The following ADCY2 variants were observed in gnomAD, a reference collection of about 807,000 sequenced individuals.
ADCY2 encodes the protein adenylate cyclase 2, also known as adenylate cyclase type 2.
ADCY2 carries 31 observed loss-of-function variants against 125.2 expected under a neutral mutation model. The observed-to-expected ratio is 0.25, with a 90% CI of 0.19 to 0.33. The LOEUF is 0.33. Among genes scored for constraint, ADCY2 ranks in the 10% least tolerant of loss-of-function variants. ADCY2 has a pLI of 1.00. For missense variants in ADCY2, 904 were observed against 1,418.2 expected, an observed-to-expected ratio of 0.64 and a Z score of 5.82; for synonymous variants, 512 against 548.4, an observed-to-expected ratio of 0.93 and a Z score of 0.93.
chr5:7,596,723 C>A (rs1737017771), intron 3 of ADCY2, among the ~76,000 whole-genome samples: 1 of 152,202 alleles, frequency 6.6e-6, no homozygotes, highest in South Asian at 2.1e-4. Context: ...GCTGCATCTA[C>A]CCCACCTGTG....
intron 15 of ADCY2, among the ~76,000 whole-genome samples, chr5:7,754,122 T>A (rs1476039378): frequency 6.6e-6 from 1 of 152,182 alleles, no homozygotes; most frequent in African/African-American, 2.4e-5. Flanking sequence ...TGCTGCCGAT[T>A]CGTCATTTTG....
chr5:7,757,369 G>A (rs2126458062), intron 15 of ADCY2, 80 bp from the exon 16 acceptor site: 1 of 1,539,976 alleles, frequency 6.5e-7, no homozygotes, highest in Non-Finnish European at 8.8e-7. Flanking sequence ...GCTTCTTGTG[G>A]TTGTAAACAT....
intron 4 of ADCY2, among the ~76,000 whole-genome samples, chr5:7,679,636 A>C (rs945553305): frequency 2.6e-5 from 4 of 152,210 alleles, no homozygotes; most frequent in Non-Finnish European, 5.9e-5. Flanking sequence ...GTGGACTGGT[A>C]AGAAGGAAAG....
chr5:7,779,988 C>T (rs1399296575), intron 18 of ADCY2, among the ~76,000 whole-genome samples: 4 of 152,272 alleles, frequency 2.6e-5, no homozygotes, highest in Admixed American at 6.5e-5. Flanking sequence ...CAGCCAGCCA[C>T]GGGCCAGGAG....
At position 7,709,451 on chromosome 5, in the gene ADCY2, G is replaced by C; in HGVS notation, c.1578+64G>C. ...GAAAGCTAACTTCCCAAAACCAAAG[G>C]CTGGGCATCTCCTGCCAAAATAACT... On this transcript the variant is annotated intron_variant, in intron 10 of 24. Transcript: ENST00000338316. This position sits in a 1 kb window ranked among gnomAD's most constrained non-coding sequence, Gnocchi z 4.4. The C allele has an allele frequency of 6.8e-7, 1 of 1,470,342 alleles. No homozygotes were observed. Among genetic ancestry groups the C allele is most frequent in the Non-Finnish European group, 9.0e-7 (1 of 1,110,040 alleles). The allele number at this position is 1,470,342 out of a possible 1,614,324, so 91.1% of individuals were successfully genotyped here.
At chr5:7,824,955 G>A (rs1453213686) in intron 24 of ADCY2, among the ~76,000 whole-genome samples, 1 of 152,162 alleles carries the variant, frequency 6.6e-6, no homozygotes, top group Non-Finnish European at 1.5e-5. Context: ...CTGTTGACAC[G>A]GCCCCCACCT....
intron 20 of ADCY2, chr5:7,800,279 C>CTA (rs1422583191): frequency 1.3e-5 from 2 of 152,194 alleles, no homozygotes; most frequent in Non-Finnish European, 2.9e-5. Context: ...TAAGTGCTGG[C>CTA]TATTATTGTG....
chr5:7,633,285 G>T (rs1738385540), intron 4 of ADCY2, among the ~76,000 whole-genome samples: 1 of 151,818 alleles, frequency 6.6e-6, no homozygotes, highest in Non-Finnish European at 1.5e-5. Flanking sequence ...ACAAAAATTA[G>T]CTGGGTGTGG....
At chr5:7,425,150 G>A (rs759738178) in intron 2 of ADCY2, among the ~76,000 whole-genome samples, 43 of 152,162 alleles carry the variant, frequency 2.8e-4, no homozygotes, top group Admixed American at 5.2e-4. Flanking sequence ...GAGCCTCCTA[G>A]GGAAGGCAAC....
intron 22 of ADCY2, among the ~76,000 whole-genome samples, chr5:7,813,982 C>A (rs1428981375): frequency 6.6e-6 from 1 of 151,306 alleles, no homozygotes; most frequent in Non-Finnish European, 1.5e-5. Flanking sequence ...CAACTGACTG[C>A]ACAAGCCTCC....
rs1232852394 is a variant in ADCY2, at chr5:7,706,921, T to C, written c.1268+19T>C. 2 of 1,613,344 alleles carry C rather than the reference T, an allele frequency of 1.2e-6. No individual in the cohort carries two copies. The highest frequency in any genetic ancestry group is 3.3e-5 in the Admixed American group (2 of 59,954). On this transcript the variant is annotated intron_variant, in intron 8 of 24. Transcript: ENST00000338316. ...TCCCTGGGTAAGGCCAAGCATTGGATTTCTTTCTTCAAGCAGGCAGAACTA... is the reference window on the plus strand; with the variant it reads ...TCCCTGGGTAAGGCCAAGCATTGGACTTCTTTCTTCAAGCAGGCAGAACTA...
At chr5:7,501,646 T>TCCCCCACCCCCCAC (rs1743585370) in intron 2 of ADCY2, among the ~76,000 whole-genome samples, 1 of 40,526 alleles carries the variant, frequency 2.5e-5, no homozygotes, top group African/African-American at 9.9e-5. Flanking sequence ...GATTCCCCCC[T>TCCCCCACCCCCCAC]CCCCCCCCCC....
intron 3 of ADCY2, among the ~76,000 whole-genome samples, chr5:7,608,768 C>T (rs191700178): frequency 2.6e-5 from 4 of 152,254 alleles, no homozygotes; most frequent in African/African-American, 9.6e-5. Flanking sequence ...ACTATTGTTT[C>T]CCTCTTGGGG....
intron 16 of ADCY2, among the ~76,000 whole-genome samples, chr5:7,760,665 G>T (rs1024415250): frequency 6.6e-6 from 1 of 152,264 alleles, no homozygotes; most frequent in African/African-American, 2.4e-5. Flanking sequence ...TGTGGAACAT[G>T]ATGTTTTGAT....
intron 2 of ADCY2, among the ~76,000 whole-genome samples, chr5:7,515,857 CA>C (rs1446059799): frequency 1.3e-5 from 2 of 152,074 alleles, no homozygotes; most frequent in African/African-American, 2.4e-5. Context: ...AGAAAATTAA[CA>C]AATAAATGGG....
chr5:7,544,068 C>T (rs949588658), intron 3 of ADCY2, among the ~76,000 whole-genome samples: 1 of 148,824 alleles, frequency 6.7e-6, no homozygotes, highest in Non-Finnish European at 1.5e-5. Flanking sequence ...GAGAGCAAGT[C>T]AGCTCCCTAG....
In ADCY2 at chr5:7,728,520, T is replaced by C. The variant is rs559435404; in HGVS notation, c.1871+1259T>C. Among the ~76,000 whole-genome samples, 3 of 152,334 alleles carry C rather than the reference T, an allele frequency of 2.0e-5. No individual in the cohort carries two copies. In the South Asian group the frequency reaches 6.2e-4, roughly 32 times the overall value. ...CAGAATCTTCAGTGAAATTTCCCAA[T>C]GTTAACATTATCAGTTTTCCATTCA... On this transcript the variant is annotated intron_variant, in intron 14 of 24. Coordinates refer to ENST00000338316, the MANE Select transcript of ADCY2 (RefSeq NM_020546.3).
intron 5 of ADCY2, chr5:7,691,069 C>A: frequency 2.8e-6 from 1 of 358,944 alleles, no homozygotes; most frequent in Admixed American, 4.9e-5. Context: ...TTGAGTTGTC[C>A]TTCATAGCCC....
intron 3 of ADCY2, among the ~76,000 whole-genome samples, chr5:7,594,279 T>G (rs1483510837): frequency 6.6e-6 from 1 of 152,084 alleles, no homozygotes; most frequent in Non-Finnish European, 1.5e-5. Flanking sequence ...GTAGGAGGTA[T>G]TCAGTATGTG....
Sources: gnomAD v4.1 joint callset for allele counts (sites outside exome capture counted in the v4.1 genomes callset) on GRCh38, gnomAD v4.1.1 for gene constraint, Gnocchi (gnomAD v3.1) non-coding constraint, MANE v1.5 for transcripts, NCBI Gene and HGNC (gene_info 2026-07-23, HGNC 2026-07-21) for gene names.